The following CCDC146 variants were observed in gnomAD, a reference collection of about 807,000 sequenced individuals.
CCDC146 encodes coiled-coil domain containing 146, also known as coiled-coil domain-containing protein 146.
In CCDC146, 92 loss-of-function variants were observed where a neutral mutation model predicts 119.3. The ratio of observed to expected loss-of-function variants is 0.77; its 90% confidence interval spans 0.65 to 0.92. The LOEUF (loss-of-function observed/expected upper bound fraction) is 0.92, where lower values mean the gene tolerates loss of function less well. Ranked by LOEUF, CCDC146 falls within the 40% of genes least tolerant of loss-of-function variation. The pLI is 0.00. For missense variants in CCDC146, 1,000 were observed against 1,103.0 expected (o/e 0.91, Z 1.32); for synonymous variants, 372 against 371.8 (o/e 1.00, Z -0.01).
chr7:77,182,551 G>T (rs1363072965), intron 2 of CCDC146, among the ~76,000 whole-genome samples: 1 of 151,998 alleles, frequency 6.6e-6, no homozygotes, highest in Admixed American at 6.6e-5. Context: ...GCAGGTAGAT[G>T]GCTTGAGCTC....
chr7:77,258,729 G>A (rs1391075193), intron 6 of CCDC146, among the ~76,000 whole-genome samples: 2 of 152,166 alleles, frequency 1.3e-5, no homozygotes, highest in Non-Finnish European at 2.9e-5. Context: ...CATTGTATGT[G>A]GAGGAGCATC....
At chr7:77,217,194 A>G (rs944620128) in intron 2 of CCDC146, among the ~76,000 whole-genome samples, 2 of 152,140 alleles carry the variant, frequency 1.3e-5, no homozygotes, top group African/African-American at 4.8e-5. Flanking sequence ...ACAGTCATAT[A>G]ACGTTATGCT....
At chr7:77,260,685 G>A (rs1793277087) in intron 8 of CCDC146, among the ~76,000 whole-genome samples, 1 of 152,164 alleles carries the variant, frequency 6.6e-6, no homozygotes, top group Non-Finnish European at 1.5e-5. Flanking sequence ...GGAGTGCAGT[G>A]GCACGATCTT....
intron 18 of CCDC146, 46 bp downstream of exon 18, chr7:77,293,246 G>T: frequency 6.4e-7 from 1 of 1,574,354 alleles, no homozygotes; most frequent in Middle Eastern, 1.7e-4. Flanking sequence ...TGCCAGCAGG[G>T]GTTGCATTCA....
At chr7:77,180,766 T>C (rs1416484735) in intron 2 of CCDC146, among the ~76,000 whole-genome samples, 3 of 152,166 alleles carry the variant, frequency 2.0e-5, no homozygotes, top group Admixed American at 6.5e-5. Context: ...TGATGGGTTA[T>C]GGGTTTGTGT....
chr7:77,126,646 T>G (rs1165955311), intron 1 of CCDC146, among the ~76,000 whole-genome samples: 1 of 152,070 alleles, frequency 6.6e-6, no homozygotes, highest in Non-Finnish European at 1.5e-5. Context: ...GCTGGCAGGT[T>G]GTCTCTGAAG....
intron 2 of CCDC146, chr7:77,198,364 A>C: frequency 1.0e-6 from 1 of 967,848 alleles, no homozygotes; most frequent in African/African-American, 1.8e-5. Context: ...AGTATGAGAC[A>C]GTCAGCAACA....
chr7:77,196,814 G>A lies in CCDC146; in HGVS notation c.156+28990G>A, dbSNP rs1314982299. 3 of 1,613,930 alleles carry A rather than the reference G, an allele frequency of 1.9e-6. No homozygotes were observed. Among genetic ancestry groups the A allele is most frequent in the South Asian group, 2.2e-5 (2 of 91,072 alleles). On this transcript the variant is annotated intron_variant, in intron 2 of 18. Coordinates refer to ENST00000285871, the MANE Select transcript of CCDC146 (RefSeq NM_020879.3). The surrounding 1 kb of genome is among the most constrained non-coding windows in gnomAD (Gnocchi z 4.2). ...GTCTTGCCATGTTCTGGTGAAGTTGGTGCTCCCATCGAGACGTGCCTGCAG... is the reference window on the plus strand; with the variant it reads ...GTCTTGCCATGTTCTGGTGAAGTTGATGCTCCCATCGAGACGTGCCTGCAG...
chr7:77,264,380 C>G (rs984899852), intron 9 of CCDC146, among the ~76,000 whole-genome samples: 3 of 152,158 alleles, frequency 2.0e-5, no homozygotes, highest in African/African-American at 7.2e-5. Context: ...ACTTCAGCCT[C>G]CCAAGAAGCT....
intron 1 of CCDC146, among the ~76,000 whole-genome samples, chr7:77,129,505 C>A (rs1790752514): frequency 6.6e-6 from 1 of 152,020 alleles, no homozygotes; most frequent in Non-Finnish European, 1.5e-5. Flanking sequence ...AATGAATCTT[C>A]TGCCTGTGAA....
chr7:77,273,032 A>G (rs538911548), intron 9 of CCDC146, among the ~76,000 whole-genome samples: 4 of 152,296 alleles, frequency 2.6e-5, no homozygotes, highest in African/African-American at 9.6e-5. Context: ...TATAATAACT[A>G]TAATTTGAAT....
intron 2 of CCDC146, among the ~76,000 whole-genome samples, chr7:77,220,679 C>T (rs1792387801): frequency 6.6e-6 from 1 of 152,086 alleles, no homozygotes; most frequent in Non-Finnish European, 1.5e-5. Flanking sequence ...CTTTTGCTCA[C>T]CAAAAAGTGT....
At chr7:77,286,124 G>A (rs994276932) in intron 15 of CCDC146, among the ~76,000 whole-genome samples, 46 of 152,230 alleles carry the variant, frequency 3.0e-4, no homozygotes, top group African/African-American at 1.0e-3. Flanking sequence ...TCTGCAGGCT[G>A]TGTAGGAAGC....
At chr7:77,134,970 T>C (rs1790840977) in intron 1 of CCDC146, among the ~76,000 whole-genome samples, 1 of 152,232 alleles carries the variant, frequency 6.6e-6, no homozygotes, top group African/African-American at 2.4e-5. Context: ...CCATATTTGT[T>C]ATTGTTTGTT....
chr7:77,285,043 C>T (rs1161408895), intron 15 of CCDC146, among the ~76,000 whole-genome samples: 2 of 151,892 alleles, frequency 1.3e-5, no homozygotes, highest in East Asian at 3.9e-4. Context: ...TTAAGGTTTG[C>T]ATTTTTTTCG....
Position 77,272,065 on chromosome 7 carries a change from A to G in CCDC146, c.1174-1629A>G, listed in dbSNP as rs560774372. ...CCAGGATGTTTGCTGGAGTTCCTCT[A>G]TCCAGGAGGTCTTAACTTGACTTTC... On this transcript the variant is annotated intron_variant, in intron 9 of 18. Transcript: ENST00000285871. 3.8e-4 allele frequency among the ~76,000 whole-genome samples: 58 copies of G among 152,290 alleles called. No individual in the cohort carries two copies. The South Asian group carries it at 0.012, about 31-fold the overall frequency.
intron 11 of CCDC146, among the ~76,000 whole-genome samples, chr7:77,276,803 T>A (rs3108447): frequency 6.6e-6 from 1 of 151,950 alleles, no homozygotes; most frequent in East Asian, 1.9e-4. Flanking sequence ...AGGAGCGGTC[T>A]CTCACGCCTG....
rs532431012 is a variant in CCDC146 at position 77,270,229 on chromosome 7, A to G, written c.1174-3465A>G. On this transcript the variant is annotated intron_variant, in intron 9 of 18. Transcript: ENST00000285871. ...TTATGAAAGTTACCGATGATTATTC[A>G]TGCATTGAAAATGCCTGGAAGAACA... Among the ~76,000 whole-genome samples, 6 of 152,334 alleles carry G rather than the reference A, an allele frequency of 3.9e-5. No homozygotes were observed. The East Asian group carries it at 1.2e-3, about 29-fold the overall frequency.
At chr7:77,181,266 G>A (rs535305029) in intron 2 of CCDC146, among the ~76,000 whole-genome samples, 2 of 152,174 alleles carry the variant, frequency 1.3e-5, no homozygotes, top group Non-Finnish European at 2.9e-5. Context: ...GGATTGGCTA[G>A]TTTGAATAAT....
Sources: gnomAD v4.1 joint callset for allele counts (sites outside exome capture counted in the v4.1 genomes callset) on GRCh38, gnomAD v4.1.1 for gene constraint, Gnocchi (gnomAD v3.1) non-coding constraint, MANE v1.5 for transcripts, NCBI Gene and HGNC (gene_info 2026-07-23, HGNC 2026-07-21) for gene names.